RAB3B: variants seen among roughly 807,000 people sequenced by gnomAD.
RAB3B encodes RAB3B, member RAS oncogene family.
RAB3B carries 11 observed loss-of-function variants against 20.5 expected under a neutral mutation model. That is an observed-to-expected ratio of 0.54 (90% CI 0.34 to 0.89). The LOEUF (loss-of-function observed/expected upper bound fraction) is 0.89. RAB3B is among the 40% of genes least tolerant of loss of function. The pLI, the probability that RAB3B is intolerant of heterozygous loss-of-function variation, is 0.02. For synonymous variants in RAB3B, 99 were observed against 106.3 expected (o/e 0.93, Z 0.42); for missense variants, 225 against 280.9 (o/e 0.80, Z 1.42).
At chr1:51,968,876 A>G (rs1684891070) in intron 2 of RAB3B, among the ~76,000 whole-genome samples, 1 of 152,190 alleles carries the variant, frequency 6.6e-6, no homozygotes. Context: ...AGTTACTCAC[A>G]TCACTGTGGA....
intron 2 of RAB3B, among the ~76,000 whole-genome samples, chr1:51,959,115 G>A (rs1391950031): frequency 6.6e-6 from 1 of 152,200 alleles, no homozygotes; most frequent in Non-Finnish European, 1.5e-5. Context: ...GAAAGTTAAG[G>A]AGGGTCCTTA....
Position 51,911,673 on chromosome 1 carries a change from G to GAAA in RAB3B, c.*8253_*8254insTTT. ...TCACCTTATGTCTCTGCTGCCCTCT[G>GAAA]CCTAATGGCCTTGTTTTCGCTTACT... On this transcript the variant is annotated 3_prime_UTR_variant, in exon 5 of 5. Coordinates refer to ENST00000371655, the MANE Select transcript of RAB3B (RefSeq NM_002867.4). 3 of 152,178 alleles carry GAAA rather than the reference G, an allele frequency of 2.0e-5. No homozygotes were observed. Among genetic ancestry groups the GAAA allele is most frequent in the African/African-American group, 7.2e-5 (3 of 41,432 alleles). The allele number at this position is 152,178 out of a possible 1,614,324, so 9.4% of individuals were successfully genotyped here. A position where few individuals can be genotyped will look rare whatever the true frequency, so the allele number is the denominator to read the frequency against.
intron 2 of RAB3B, among the ~76,000 whole-genome samples, chr1:51,964,105 C>G (rs1181319340): frequency 6.6e-6 from 1 of 152,202 alleles, no homozygotes; most frequent in Admixed American, 6.5e-5. Context: ...CTGTGTCATA[C>G]TTGGTGTCTC....
At chr1:51,984,520 AGCTGGGACTACAGGT>A (rs1320160940) in intron 1 of RAB3B, among the ~76,000 whole-genome samples, 1 of 150,484 alleles carries the variant, frequency 6.6e-6, no homozygotes, top group East Asian at 2.0e-4. Flanking sequence ...CCTCCCAAGT[AGCTGGGACTACAGGT>A]GCTCACCATC....
chr1:51,949,059 G>A (rs1684600456), intron 2 of RAB3B, among the ~76,000 whole-genome samples: 1 of 152,174 alleles, frequency 6.6e-6, no homozygotes, highest in African/African-American at 2.4e-5. Flanking sequence ...CCTACAAGAT[G>A]GAGTCCAAGC....
intron 1 of RAB3B, chr1:51,980,706 A>G (rs781455367): frequency 5.2e-5 from 39 of 756,344 alleles, no homozygotes; most frequent in Non-Finnish European, 9.4e-5. Context: ...CGAGTTGTGC[A>G]ATTCACAGCA....
chr1:51,971,010 C>CAAAAAAAAAAAAAA (rs3074914), intron 2 of RAB3B, among the ~76,000 whole-genome samples: 1 of 55,714 alleles, frequency 1.8e-5, no homozygotes, highest in East Asian at 4.3e-4. Flanking sequence ...GACTCCGTCT[C>CAAAAAAAAAAAAAA]AAAAAAAAAA....
intron 4 of RAB3B, among the ~76,000 whole-genome samples, chr1:51,930,566 A>C (rs536258431): frequency 3.4e-4 from 51 of 152,190 alleles, no homozygotes; most frequent in African/African-American, 8.2e-4. Context: ...TGTTAAAAAA[A>C]ACACACACAC....
chr1:51,929,306 T>C (rs142066133), intron 4 of RAB3B, among the ~76,000 whole-genome samples: 868 of 152,202 alleles, frequency 5.7e-3, no homozygotes, highest in Middle Eastern at 0.014. Flanking sequence ...ACTTCCCAGT[T>C]ACAGGAGCTA....
In RAB3B at chr1:51,918,061, C is replaced by T. The variant is rs758948972; in HGVS notation, c.*1866G>A. The T allele has an allele frequency of 1.3e-5, 2 of 152,128 alleles. No homozygotes were observed. Among genetic ancestry groups the T allele is most frequent in the Non-Finnish European group, 2.9e-5 (2 of 68,038 alleles). 9.4% of individuals were successfully genotyped at this position (152,128 alleles called of 1,614,324 possible). On this transcript the variant is annotated 3_prime_UTR_variant, in exon 5 of 5. Transcript: ENST00000371655. Reference sequence around the variant, plus strand: ...TATTTCAGCCAAAACAAAATATGTCCCTGTGGCCAAGCAAGCTAGAATAAT... The same window carrying T: ...TATTTCAGCCAAAACAAAATATGTCTCTGTGGCCAAGCAAGCTAGAATAAT...
chr1:51,967,278 A>G (rs958491014), intron 2 of RAB3B, among the ~76,000 whole-genome samples: 1 of 151,906 alleles, frequency 6.6e-6, no homozygotes. Flanking sequence ...ATGCCATGGC[A>G]CTCCAGCCTG....
At chr1:51,922,154 C>T (rs533050386) in intron 4 of RAB3B, among the ~76,000 whole-genome samples, 1 of 152,340 alleles carries the variant, frequency 6.6e-6, no homozygotes, top group East Asian at 1.9e-4. Context: ...TCCAGCATAT[C>T]GTTTTTCCTT....
In RAB3B at chr1:51,915,356, C is replaced by T. The variant is rs1353209206; in HGVS notation, c.*4571G>A. 1.3e-5 allele frequency: 2 copies of T among 152,060 alleles called. No homozygotes were observed. Among genetic ancestry groups the T allele is most frequent in the African/African-American group, 4.8e-5 (2 of 41,402 alleles). The allele number at this position is 152,060 out of a possible 1,614,324, so 9.4% of individuals were successfully genotyped here. On this transcript the variant is annotated 3_prime_UTR_variant, in exon 5 of 5. Coordinates refer to ENST00000371655, the MANE Select transcript of RAB3B (RefSeq NM_002867.4). ...GGTGATCCAGGACCTAGTCCTGGCT[C>T]CATCACTGTGATACTCTCAGAATAA...
At chr1:51,985,125 AGTAC>A (rs1273251150) in intron 1 of RAB3B, among the ~76,000 whole-genome samples, 2 of 152,246 alleles carry the variant, frequency 1.3e-5, no homozygotes, top group Non-Finnish European at 2.9e-5. Flanking sequence ...TAGAAAGAGT[AGTAC>A]TATACGTAAA....
At chr1:51,961,885 C>T in intron 2 of RAB3B, among the ~76,000 whole-genome samples, 1 of 152,170 alleles carries the variant, frequency 6.6e-6, no homozygotes, top group East Asian at 1.9e-4. Context: ...ATTCTCCTGC[C>T]TCAGCCTCCC....
rs1404308465 is a variant in RAB3B, at chr1:51,910,560, T to A, written c.*9367A>T. On this transcript the variant is annotated 3_prime_UTR_variant, in exon 5 of 5. Transcript: ENST00000371655. ...CAGAAACCAGGACCATACGCCTGGCTAAGTGATGAGGGGGTCACACAGCCT... is the reference window on the plus strand; with the variant it reads ...CAGAAACCAGGACCATACGCCTGGCAAAGTGATGAGGGGGTCACACAGCCT... 6.6e-6 allele frequency: 1 copy of A among 152,178 alleles called. No individual in the cohort carries two copies. Among genetic ancestry groups the A allele is most frequent in the Non-Finnish European group, 1.5e-5 (1 of 68,038 alleles). 9.4% of individuals were successfully genotyped at this position (152,178 alleles called of 1,614,324 possible).
intron 2 of RAB3B, among the ~76,000 whole-genome samples, chr1:51,953,775 T>C (rs1198341570): frequency 6.6e-6 from 1 of 152,186 alleles, no homozygotes; most frequent in Non-Finnish European, 1.5e-5. Flanking sequence ...CACTCCAGCC[T>C]GGATGACACA....
Position 51,920,087 on chromosome 1 carries a change from T to C in RAB3B, c.500A>G (p.Lys167Arg), listed in dbSNP as rs1684152643. The change falls in exon 5 of 5, where the codon AAG becomes AGG. Residue 167 changes from lysine to arginine, a missense_variant. Coordinates refer to ENST00000371655, the MANE Select transcript of RAB3B (RefSeq NM_002867.4). ...GGCCTGCCTTACACTGATGTTCTCC[T>C]TTGCACTGGCTTCAAAGAAATCAAA... ...LGFDFFEASA[K>R]ENISVRQAFE... The C allele has an allele frequency of 5.0e-6, 8 of 1,612,588 alleles. No homozygotes were observed. The highest frequency in any genetic ancestry group is 5.1e-6 in the Non-Finnish European group (6 of 1,179,080).
In RAB3B at chr1:51,913,784, T is replaced by C. The variant is rs1472411190; in HGVS notation, c.*6143A>G. ...ACTGAGCCAAGCCCTATTTCTCCATTTCTTAAAACTGGACTTGGCCATGGA... is the reference window on the plus strand; with the variant it reads ...ACTGAGCCAAGCCCTATTTCTCCATCTCTTAAAACTGGACTTGGCCATGGA... On this transcript the variant is annotated 3_prime_UTR_variant, in exon 5 of 5. Transcript: ENST00000371655. 6.6e-6 allele frequency: 1 copy of C among 152,188 alleles called. No individual in the cohort carries two copies. The highest frequency in any genetic ancestry group is 2.4e-5 in the African/African-American group (1 of 41,448). The allele number at this position is 152,188 out of a possible 1,614,324, so 9.4% of individuals were successfully genotyped here.
Sources: gnomAD v4.1 joint callset for allele counts (sites outside exome capture counted in the v4.1 genomes callset) on GRCh38, gnomAD v4.1.1 for gene constraint, MANE v1.5 for transcripts, NCBI Gene and HGNC (gene_info 2026-07-23, HGNC 2026-07-21) for gene names.